NFASC: variants seen among roughly 807,000 people sequenced by gnomAD.
NFASC encodes the protein neurofascin.
In NFASC, 43 loss-of-function variants were observed where a neutral mutation model predicts 147.5. The ratio of observed to expected loss-of-function variants is 0.29; its 90% CI spans 0.23 to 0.38. NFASC has a LOEUF of 0.38. Among genes scored for constraint, NFASC ranks in the 10% least tolerant of loss-of-function variants. The probability of loss-of-function intolerance (pLI) is 1.00; values close to 1 mark genes in which losing one functional copy is unlikely to be tolerated. For synonymous variants in NFASC, 622 were observed against 665.5 expected (o/e 0.93, Z 1.01); for missense variants, 1,320 against 1,689.0 (o/e 0.78, Z 3.83).
chr1:204,855,191 T>A (rs1272830869), intron 1 of NFASC, among the ~76,000 whole-genome samples: 3 of 152,218 alleles, frequency 2.0e-5, no homozygotes, highest in Non-Finnish European at 2.9e-5. Context: ...ATAGAGCATA[T>A]GTATAATGAG....
intron 21 of NFASC, among the ~76,000 whole-genome samples, chr1:204,983,175 G>T (rs151231662): frequency 6.6e-6 from 1 of 152,186 alleles, no homozygotes; most frequent in Non-Finnish European, 1.5e-5. Context: ...CGCTCTGATG[G>T]ATTAGAAGGG....
intron 27 of NFASC, chr1:205,009,243 C>T: frequency 2.2e-6 from 1 of 448,612 alleles, no homozygotes; most frequent in Non-Finnish European, 4.2e-6. Flanking sequence ...TGTGACCAGC[C>T]CTCTGGTTTC....
Position 205,014,230 on chromosome 1 carries a change from C to T in NFASC, c.3491+1364C>T, listed in dbSNP as rs184816120. 1.9e-3 allele frequency among the ~76,000 whole-genome samples: 296 copies of T among 152,250 alleles called. 1 individual carries two copies. The highest frequency in any genetic ancestry group is 3.4e-3 in the Non-Finnish European group (228 of 68,010). ...TGTCAGGCAAAAACCCCTGCCTCCT[C>T]CCCGCAGACACTGACCCTGGGTCTA... On this transcript the variant is annotated intron_variant, in intron 29 of 29. Transcript: ENST00000339876.
chr1:205,005,368 G>A (rs1244337982), intron 27 of NFASC, among the ~76,000 whole-genome samples: 2 of 152,188 alleles, frequency 1.3e-5, no homozygotes, highest in African/African-American at 2.4e-5. Flanking sequence ...TGCTTTGCAG[G>A]TGTATTGCCC....
chr1:204,943,147 G>A (rs771662932), intron 2 of NFASC, among the ~76,000 whole-genome samples: 2 of 152,190 alleles, frequency 1.3e-5, no homozygotes, highest in Non-Finnish European at 2.9e-5. Context: ...AAAACTGGAG[G>A]AATTCTGGAG....
chr1:204,964,861 G>A (rs188540434), intron 8 of NFASC, among the ~76,000 whole-genome samples: 10 of 152,320 alleles, frequency 6.6e-5, no homozygotes, highest in Admixed American at 5.9e-4. Context: ...ACAGAGGGGG[G>A]CAACTAAGGT....
intron 29 of NFASC, among the ~76,000 whole-genome samples, chr1:205,014,075 G>A (rs568569983): frequency 1.3e-5 from 2 of 152,324 alleles, no homozygotes; most frequent in East Asian, 1.9e-4. Context: ...AAGCCACAGG[G>A]CTTCTCCTCC....
intron 21 of NFASC, chr1:204,984,089 C>T: frequency 6.2e-7 from 1 of 1,614,160 alleles, no homozygotes; most frequent in Non-Finnish European, 8.5e-7. Flanking sequence ...CATCAGCCTT[C>T]AGTGGAACCG....
At chr1:204,877,226 A>G (rs1184801318) in intron 1 of NFASC, among the ~76,000 whole-genome samples, 1 of 151,110 alleles carries the variant, frequency 6.6e-6, no homozygotes, top group East Asian at 1.9e-4. Context: ...GCAAACATGC[A>G]TGTTACATAC....
chr1:205,014,642 C>T (rs61817651), intron 29 of NFASC, among the ~76,000 whole-genome samples: 226 of 152,252 alleles, frequency 1.5e-3, no homozygotes, highest in Admixed American at 3.8e-3. Flanking sequence ...GAGGTCTGTT[C>T]GGTCTGTTCT....
intron 1 of NFASC, among the ~76,000 whole-genome samples, chr1:204,894,273 A>AG (rs2082974368): frequency 6.6e-6 from 1 of 152,236 alleles, no homozygotes; most frequent in South Asian, 2.1e-4. Context: ...CTACTGGCAA[A>AG]GGGGAATGTT....
intron 1 of NFASC, among the ~76,000 whole-genome samples, chr1:204,890,929 G>A (rs2082265409): frequency 1.3e-5 from 2 of 152,172 alleles, no homozygotes; most frequent in South Asian, 4.1e-4. Context: ...TGCATCCCCT[G>A]ATGCTCACCC....
intron 7 of NFASC, among the ~76,000 whole-genome samples, chr1:204,956,050 CTCA>C (rs1164917189): frequency 6.6e-6 from 1 of 152,154 alleles, no homozygotes; most frequent in East Asian, 1.9e-4. Context: ...CTTCTCCTCT[CTCA>C]TCTCTCCCAC....
chr1:204,830,545 C>T (rs1671905798), intron 1 of NFASC, among the ~76,000 whole-genome samples: 1 of 151,966 alleles, frequency 6.6e-6, no homozygotes, highest in African/African-American at 2.4e-5. Flanking sequence ...AGTAATTTCT[C>T]CCCTTGTCTT....
chr1:204,953,555 C>A (rs1293977928), intron 5 of NFASC, among the ~76,000 whole-genome samples: 2 of 152,222 alleles, frequency 1.3e-5, no homozygotes, highest in Admixed American at 6.5e-5. Flanking sequence ...CTCAGCCTCC[C>A]AAAGTACTGG....
chr1:204,920,918 G>A (rs866907215), intron 2 of NFASC, among the ~76,000 whole-genome samples, 178 bp downstream of exon 2: 58 of 152,166 alleles, frequency 3.8e-4, no homozygotes, highest in African/African-American at 1.4e-3. Flanking sequence ...CCACAGAACT[G>A]CATGCCAAAG....
chr1:205,006,868 C>T (rs1340049805), intron 27 of NFASC, among the ~76,000 whole-genome samples: 1 of 152,082 alleles, frequency 6.6e-6, no homozygotes, highest in Non-Finnish European at 1.5e-5. Flanking sequence ...CCAAGGAGAG[C>T]TGTAGGAGGA....
chr1:204,967,462 C>T (rs1301518858), intron 8 of NFASC, among the ~76,000 whole-genome samples: 1 of 152,138 alleles, frequency 6.6e-6, no homozygotes, highest in Non-Finnish European at 1.5e-5. Context: ...GCCACCTGGC[C>T]TTCAAGACCT....
intron 1 of NFASC, among the ~76,000 whole-genome samples, chr1:204,884,742 A>G (rs1321447744): frequency 1.3e-5 from 2 of 152,194 alleles, no homozygotes; most frequent in Admixed American, 6.5e-5. Context: ...TGCCCAGCAC[A>G]CAGTAGGCAT....
Sources: gnomAD v4.1 joint callset for allele counts (sites outside exome capture counted in the v4.1 genomes callset) on GRCh38, gnomAD v4.1.1 for gene constraint, MANE v1.5 for transcripts, NCBI Gene and HGNC (gene_info 2026-07-23, HGNC 2026-07-21) for gene names.